CACNA2D4: variants seen among roughly 807,000 people sequenced by gnomAD.
CACNA2D4 encodes the protein calcium voltage-gated channel auxiliary subunit alpha2delta 4.
CACNA2D4 carries 157 observed loss-of-function variants against 163.8 expected under a neutral mutation model. The observed-to-expected ratio is 0.96, with a 90% CI of 0.84 to 1.09. CACNA2D4 has a LOEUF of 1.09. Ranked by LOEUF, CACNA2D4 falls within the 50% of genes least tolerant of loss-of-function variation. The pLI, the probability that CACNA2D4 is intolerant of heterozygous loss-of-function variation, is 0.00. For synonymous variants in CACNA2D4, 598 were observed against 586.9 expected (o/e 1.02, Z -0.27); for missense variants, 1,410 against 1,479.9 (o/e 0.95, Z 0.78).
In CACNA2D4 at chr12:1,806,593, C is replaced by G. The variant is rs940968264; in HGVS notation, c.2721+3685G>C. Among the ~76,000 whole-genome samples the G allele has an allele frequency of 1.3e-5, 2 of 152,212 alleles. No individual in the cohort carries two copies. Among genetic ancestry groups the G allele is most frequent in the Non-Finnish European group, 2.9e-5 (2 of 68,044 alleles). Reference sequence around the variant, plus strand: ...AGCAGGGACAAGGAGTCGCTGGAAGCCTTTGACATATTTGCCTAGTCAGGA... The same window carrying G: ...AGCAGGGACAAGGAGTCGCTGGAAGGCTTTGACATATTTGCCTAGTCAGGA... On this transcript the variant is annotated intron_variant, in intron 29 of 37. Coordinates refer to ENST00000382722, the MANE Select transcript of CACNA2D4 (RefSeq NM_172364.5). The surrounding 1 kb of genome is among the most constrained non-coding windows in gnomAD (Gnocchi z 4.1).
chr12:1,860,258 GC>G (rs776024865), intron 18 of CACNA2D4, 52 bp from the exon 19 acceptor site: 442 of 1,429,398 alleles, frequency 3.1e-4, no homozygotes, highest in Non-Finnish European at 4.0e-4. Context: ...GCGGCCCCCA[GC>G]CCCCACCTCG....
chr12:1,796,723 G>C (rs1162897166), intron 35 of CACNA2D4, among the ~76,000 whole-genome samples: 1 of 152,180 alleles, frequency 6.6e-6, no homozygotes, highest in African/African-American at 2.4e-5. Flanking sequence ...CCACGGGCCC[G>C]GGGGTCTAGG....
At chr12:1,853,874 G>T in intron 23 of CACNA2D4, 77 bp downstream of exon 23, 2 of 1,140,334 alleles carry the variant, frequency 1.8e-6, no homozygotes, top group Non-Finnish European at 2.6e-6. Flanking sequence ...CCAGCCAGAT[G>T]GTGAGAGGGG....
At position 1,829,886 on chromosome 12, in the gene CACNA2D4, G is replaced by A. The variant is rs569051156; in HGVS notation, c.2551+10853C>T. ...ATTCTTCCCAGTTCTCTTTCACGAT[G>A]AGCAGGCTTCTCTGCTACTCAGGAG... On this transcript the variant is annotated intron_variant, in intron 26 of 37. Transcript: ENST00000382722. The surrounding 1 kb of genome is among the most constrained non-coding windows in gnomAD (Gnocchi z 4.2). Among the ~76,000 whole-genome samples, 67 of 152,240 alleles carry A rather than the reference G, an allele frequency of 4.4e-4. No individual in the cohort carries two copies. Among genetic ancestry groups the A allele is most frequent in the Admixed American group, 6.5e-4 (10 of 15,300 alleles).
chr12:1,813,094 C>A (rs1464352562), intron 26 of CACNA2D4, among the ~76,000 whole-genome samples: 1 of 152,172 alleles, frequency 6.6e-6, no homozygotes, highest in Admixed American at 6.5e-5. Flanking sequence ...CTTTGCGTTT[C>A]GTCTCCTCAG....
chr12:1,858,388 T>C (rs1865445612), intron 20 of CACNA2D4, among the ~76,000 whole-genome samples, 189 bp downstream of exon 20: 2 of 152,146 alleles, frequency 1.3e-5, no homozygotes, highest in Non-Finnish European at 1.5e-5. Context: ...CCACAGATCC[T>C]GCATGCCCTG....
chr12:1,852,772 G>A (rs979216198), intron 23 of CACNA2D4, among the ~76,000 whole-genome samples: 3 of 152,128 alleles, frequency 2.0e-5, no homozygotes, highest in African/African-American at 7.2e-5. Context: ...TCTGTAGAAG[G>A]CACAACAGTG....
intron 18 of CACNA2D4, among the ~76,000 whole-genome samples, chr12:1,868,974 T>G (rs1313433174): frequency 6.6e-6 from 1 of 151,910 alleles, no homozygotes; most frequent in Admixed American, 6.6e-5. Context: ...CACATAAATC[T>G]ACACCATTTA....
intron 14 of CACNA2D4, 150 bp downstream of exon 14, chr12:1,879,654 A>G: frequency 3.0e-6 from 2 of 657,924 alleles, no homozygotes; most frequent in Non-Finnish European, 5.5e-6. Context: ...AGTCTGGGGT[A>G]GCTACTCTGG....
At chr12:1,830,305 G>A (rs1211156647) in intron 26 of CACNA2D4, among the ~76,000 whole-genome samples, 5 of 152,210 alleles carry the variant, frequency 3.3e-5, no homozygotes, top group Admixed American at 6.5e-5. Context: ...AACTGCTGGC[G>A]TCATCATGGG....
At position 1,793,002 on chromosome 12, in the gene CACNA2D4, T is replaced by C. The variant is rs1363784241; in HGVS notation, c.*653A>G. 3.9e-5 allele frequency: 6 copies of C among 152,354 alleles called. No individual in the cohort carries two copies. Among genetic ancestry groups the C allele is most frequent in the Admixed American group, 3.9e-4 (6 of 15,296 alleles). 9.4% of individuals were successfully genotyped at this position (152,354 alleles called of 1,614,324 possible). A position where few individuals can be genotyped will look rare whatever the true frequency, so the allele number is the denominator to read the frequency against. ...AGCAGCAGTTTGGGGACATCACGTG[T>C]AGCCCTGTCGATATTTCCTGAATGG... On this transcript the variant is annotated 3_prime_UTR_variant, in exon 38 of 38. Coordinates refer to ENST00000382722, the MANE Select transcript of CACNA2D4 (RefSeq NM_172364.5).
At chr12:1,842,203 G>A (rs900247197) in intron 25 of CACNA2D4, among the ~76,000 whole-genome samples, 2 of 152,206 alleles carry the variant, frequency 1.3e-5, no homozygotes, top group Admixed American at 6.5e-5. Flanking sequence ...TGATCAGGGC[G>A]TGGAGTGCAG....
At chr12:1,915,952 T>C (rs1265015755) in intron 1 of CACNA2D4, among the ~76,000 whole-genome samples, 1 of 152,160 alleles carries the variant, frequency 6.6e-6, no homozygotes, top group African/African-American at 2.4e-5. Context: ...GCGGGTAGCA[T>C]AGTACATGTT....
At chr12:1,892,101 A>AGGTCTTCTTCACAG (rs71057804) in intron 6 of CACNA2D4, among the ~76,000 whole-genome samples, 139,366 of 152,158 alleles carry the variant, frequency 0.92, 64,010 homozygotes, top group East Asian at 1. Context: ...TAATTCAAAA[A>AGGTCTTCTTCACAG]TACATTGTAG....
intron 6 of CACNA2D4, among the ~76,000 whole-genome samples, chr12:1,893,197 C>G (rs1341227858): frequency 6.6e-6 from 1 of 152,154 alleles, no homozygotes; most frequent in Non-Finnish European, 1.5e-5. Context: ...ATTATTCTCA[C>G]CAGCACATGA....
rs747497531 is a variant in CACNA2D4 at position 1,855,981 on chromosome 12, A to G, written c.2152+31T>C. 3.2e-6 allele frequency: 5 copies of G among 1,566,316 alleles called. No homozygotes were observed. In the African/African-American group the frequency reaches 6.8e-5, roughly 21 times the overall value. ...CCTGAACTTCAGGGCCCCAGAGGAA[A>G]AGCTTGCCTCAGTGGGCGGCCAGCA... is the stretch of plus-strand genomic sequence containing the variant. On this transcript the variant is annotated intron_variant, in intron 22 of 37. Transcript: ENST00000382722.
intron 26 of CACNA2D4, among the ~76,000 whole-genome samples, chr12:1,840,058 A>C (rs977008758): frequency 2.6e-4 from 40 of 152,214 alleles, no homozygotes; most frequent in African/African-American, 9.2e-4. Flanking sequence ...TGTTTAGGCA[A>C]ATCAGTAGGC....
chr12:1,810,842 G>A (rs774760186), intron 27 of CACNA2D4, among the ~76,000 whole-genome samples: 4 of 152,208 alleles, frequency 2.6e-5, no homozygotes, highest in Admixed American at 6.5e-5. Context: ...GCACATGCGT[G>A]TGGTGTGTGT....
rs943066054 is a variant in CACNA2D4, at chr12:1,799,271, G to A, written c.2995+404C>T. ...TGTCCTCAGACACAGGGTCCCGCAG[G>A]GGAATCATCCTGAGAGCTTCCTGGG... On this transcript the variant is annotated intron_variant, in intron 34 of 37. Coordinates refer to ENST00000382722, the MANE Select transcript of CACNA2D4 (RefSeq NM_172364.5). This position sits in a 1 kb window ranked among gnomAD's most constrained non-coding sequence, Gnocchi z 4.7. Among the ~76,000 whole-genome samples, 3 of 152,194 alleles carry A rather than the reference G, an allele frequency of 2.0e-5. No homozygotes were observed. Among genetic ancestry groups the A allele is most frequent in the African/African-American group, 7.2e-5 (3 of 41,444 alleles).
Sources: gnomAD v4.1 joint callset for allele counts (sites outside exome capture counted in the v4.1 genomes callset) on GRCh38, gnomAD v4.1.1 for gene constraint, Gnocchi (gnomAD v3.1) non-coding constraint, MANE v1.5 for transcripts, NCBI Gene and HGNC (gene_info 2026-07-23, HGNC 2026-07-21) for gene names.